Variants in CATSPER4 observed in about 807,000 individuals in gnomAD.
The protein encoded by CATSPER4 is cation channel sperm-associated protein 4.
CATSPER4 carries 46 observed loss-of-function variants against 54.4 expected under a neutral mutation model. The observed-to-expected ratio is 0.84, with a 90% CI of 0.67 to 1.08. The LOEUF is 1.08. Ranked by LOEUF, CATSPER4 falls within the 50% of genes least tolerant of loss-of-function variation. The pLI is 0.00. For missense variants in CATSPER4, 574 were observed against 612.8 expected (o/e 0.94, Z 0.67); for synonymous variants, 230 against 231.9 (o/e 0.99, Z 0.08).
Position 26,201,504 on chromosome 1 carries a change from C to A in CATSPER4, c.1350C>A (p.Leu450=). Residue 450 remains leucine (L), a synonymous_variant, in exon 9 of 10, where the codon CTC becomes CTA. Coordinates refer to ENST00000456354, the MANE Select transcript of CATSPER4 (RefSeq NM_198137.2). Reference sequence around the variant, plus strand: ...AACAGCAAGACTTGCTCAGTGCGCTCGTTAGCATGGAAAAGGTGTGCCTTC... The same window carrying A: ...AACAGCAAGACTTGCTCAGTGCGCTAGTTAGCATGGAAAAGGTGTGCCTTC... ...MSQQQDLLSA[L]VSMEKVHDSS... 1 of 1,613,980 alleles carries A rather than the reference C, an allele frequency of 6.2e-7. No homozygotes were observed. Among genetic ancestry groups the A allele is most frequent in the South Asian group, 1.1e-5 (1 of 91,042 alleles).
intron 2 of CATSPER4, among the ~76,000 whole-genome samples, chr1:26,193,569 A>G (rs925766164): frequency 3.3e-5 from 5 of 152,232 alleles, no homozygotes; most frequent in African/African-American, 1.2e-4. Context: ...TTGCAGGACA[A>G]CAGTGATGGT....
At chr1:26,195,450 G>C (rs2088925375) in intron 3 of CATSPER4, among the ~76,000 whole-genome samples, 1 of 152,108 alleles carries the variant, frequency 6.6e-6, no homozygotes, top group Non-Finnish European at 1.5e-5. Flanking sequence ...CAGGAAGAAA[G>C]AGAGAGAGTG....
intron 8 of CATSPER4, 82 bp from the exon 9 acceptor site, chr1:26,201,272 G>C: frequency 1.4e-6 from 2 of 1,456,662 alleles, no homozygotes; most frequent in Non-Finnish European, 1.9e-6. Context: ...AGAGCGAAGC[G>C]GGGGTGACGC....
intron 8 of CATSPER4, 126 bp from the exon 9 acceptor site, chr1:26,201,228 A>G: frequency 4.5e-6 from 5 of 1,104,636 alleles, no homozygotes; most frequent in South Asian, 2.7e-5. Context: ...ACAAGGGCAC[A>G]GCTCGGCCTG....
chr1:26,191,310 C>A lies in CATSPER4; in HGVS notation c.237C>A (p.Phe79Leu). Residue 79 changes from phenylalanine (F) to leucine (L), a missense_variant, in exon 2 of 10, where the codon TTC (phenylalanine) becomes TTA (leucine). Coordinates refer to ENST00000456354, the MANE Select transcript of CATSPER4 (RefSeq NM_198137.2). ...AGGACGCCTGGGACATGCAGGAGTT[C>A]ATCACTCACATGTACATCAAGCAGC... ...NKADAWDMQE[F>L]ITHMYIKQLL... 2 of 1,614,132 alleles carry A rather than the reference C, an allele frequency of 1.2e-6. No individual in the cohort carries two copies. Among genetic ancestry groups the A allele is most frequent in the Non-Finnish European group, 8.5e-7 (1 of 1,180,024 alleles).
At chr1:26,199,493 G>GGAGGCT in intron 6 of CATSPER4, among the ~76,000 whole-genome samples, 1 of 151,390 alleles carries the variant, frequency 6.6e-6, no homozygotes, top group East Asian at 1.9e-4. Context: ...CAGCTACTTG[G>GGAGGCT]GAGGCTGAGG....
rs763485444 is a variant in CATSPER4, at chr1:26,190,681, C to T, written c.54C>T (p.Leu18=). 12 of 1,610,818 alleles carry T rather than the reference C, an allele frequency of 7.4e-6. No individual in the cohort carries two copies. Among genetic ancestry groups the T allele is most frequent in the Admixed American group, 3.3e-5 (2 of 59,958 alleles). The part of the protein sequence containing the change: ...WWQQWTSHTG[L]EGWGGTQEDR... ...AGCAATGGACCTCCCATACAGGCCTCGAGGGGTGGGGCGGGACTCAGGAGG... is the reference window on the plus strand; with the variant it reads ...AGCAATGGACCTCCCATACAGGCCTTGAGGGGTGGGGCGGGACTCAGGAGG... The change falls in exon 1 of 10, where the codon CTC becomes CTT. Residue 18 remains leucine, a synonymous_variant. Transcript: ENST00000456354.
At chr1:26,199,852 G>T in intron 6 of CATSPER4, 32 bp from the exon 7 acceptor site, 1 of 1,611,624 alleles carries the variant, frequency 6.2e-7, no homozygotes. Flanking sequence ...AAGGGCCAGG[G>T]AAATGATGGG....
chr1:26,194,841 C>T (rs2124524510), intron 3 of CATSPER4, among the ~76,000 whole-genome samples: 1 of 152,192 alleles, frequency 6.6e-6, no homozygotes, highest in African/African-American at 2.4e-5. Context: ...AATCCCAACA[C>T]TTTGGGAGGC....
intron 3 of CATSPER4, among the ~76,000 whole-genome samples, chr1:26,196,021 T>G (rs2124525394): frequency 6.6e-6 from 1 of 152,360 alleles, no homozygotes; most frequent in South Asian, 2.1e-4. Context: ...ATACCCTCGA[T>G]CTTCCGTTTC....
intron 3 of CATSPER4, among the ~76,000 whole-genome samples, chr1:26,194,977 T>A (rs892069038): frequency 6.6e-6 from 1 of 152,006 alleles, no homozygotes; most frequent in African/African-American, 2.4e-5. Context: ...CCCAGCTACT[T>A]AGAGGCCGAG....
intron 3 of CATSPER4, 115 bp from the exon 4 acceptor site, chr1:26,197,571 G>A: frequency 1.3e-6 from 1 of 747,928 alleles, no homozygotes. Flanking sequence ...CAGCTGACTG[G>A]CCCTGCTCTG....
rs1274764956 is a variant in CATSPER4 at position 26,198,039 on chromosome 1, A to G, written c.640A>G (p.Met214Val). ...IRVILQSVPD[M>V]ANIMVLILFF... ...CGTCATCCTGCAGTCGGTGCCTGAC[A>G]TGGCCAATATCATGGTCCTCATCCT... The change falls in exon 5 of 10, where the codon ATG (methionine) becomes GTG (valine). Residue 214 changes from methionine (M) to valine (V), a missense_variant. Physicochemically the swap from Met to Val is conservative, Grantham distance 21. Transcript: ENST00000456354. 6.2e-7 allele frequency: 1 copy of G among 1,613,854 alleles called. No individual in the cohort carries two copies. Among genetic ancestry groups the G allele is most frequent in the South Asian group, 1.1e-5 (1 of 91,076 alleles).
intron 2 of CATSPER4, among the ~76,000 whole-genome samples, chr1:26,192,650 C>T (rs1030121312): frequency 2.7e-5 from 4 of 150,118 alleles, no homozygotes; most frequent in African/African-American, 7.4e-5. Flanking sequence ...TGGTCTGGAA[C>T]TCCTGGGCTC....
At chr1:26,200,102 A>T in intron 7 of CATSPER4, 44 bp downstream of exon 7, 1 of 1,587,660 alleles carries the variant, frequency 6.3e-7, no homozygotes, top group Non-Finnish European at 8.6e-7. Context: ...AGGAGTGTGT[A>T]TGAGAGCGGA....
At chr1:26,199,598 C>CGAAAAAAAAAAAAAAA (rs2088982627) in intron 6 of CATSPER4, among the ~76,000 whole-genome samples, 1 of 113,850 alleles carries the variant, frequency 8.8e-6, no homozygotes, top group Admixed American at 8.8e-5. Flanking sequence ...GACTCCATCT[C>CGAAAAAAAAAAAAAAA]AAAAAAAAAA....
rs1361549913 is a variant in CATSPER4, at chr1:26,202,918, A to G, written c.*376A>G. 3 of 317,294 alleles carry G rather than the reference A, an allele frequency of 9.5e-6. No homozygotes were observed. The highest frequency in any genetic ancestry group is 4.2e-5 in the South Asian group (1 of 23,750). The allele number at this position is 317,294 out of a possible 1,614,324, so 19.7% of individuals were successfully genotyped here. Reference sequence around the variant, plus strand: ...GAACCAAGAAGAGAAAGGCAAGGCCAGTGGGGCCAGACATCTGTGTGTTGA... The same window carrying G: ...GAACCAAGAAGAGAAAGGCAAGGCCGGTGGGGCCAGACATCTGTGTGTTGA... On this transcript the variant is annotated 3_prime_UTR_variant, in exon 10 of 10. Coordinates refer to ENST00000456354, the MANE Select transcript of CATSPER4 (RefSeq NM_198137.2).
rs200316251 is a variant in CATSPER4, at chr1:26,200,940, G to C, written c.1098G>C (p.Leu366=). The C allele has an allele frequency of 3.7e-6, 6 of 1,614,106 alleles. No individual in the cohort carries two copies. The highest frequency in any genetic ancestry group is 5.1e-6 in the Non-Finnish European group (6 of 1,180,036). ...LLQEPLAGGP[L]SNLSENTCDN... is the part of the protein sequence containing the mutation. The stretch of plus-strand genomic sequence containing the variant: ...AGGAACCCCTTGCGGGAGGCCCCCT[G>C]TCGAACCTCTCAGAAAACACGTGTG... Residue 366 remains leucine (L), a synonymous_variant, in exon 8 of 10, where the codon CTG becomes CTC. Coordinates refer to ENST00000456354, the MANE Select transcript of CATSPER4 (RefSeq NM_198137.2).
At chr1:26,197,650 C>T (rs1331688536) in intron 3 of CATSPER4, 36 bp from the exon 4 acceptor site, 1 of 1,489,414 alleles carries the variant, frequency 6.7e-7, no homozygotes, top group Non-Finnish European at 9.4e-7. Flanking sequence ...ATGGGCTGGG[C>T]CTGACAGACC....
Sources: gnomAD v4.1 joint callset for allele counts (sites outside exome capture counted in the v4.1 genomes callset) on GRCh38, gnomAD v4.1.1 for gene constraint, MANE v1.5 for transcripts, NCBI Gene and HGNC (gene_info 2026-07-23, HGNC 2026-07-21) for gene names.